The following OSBPL2 variants were observed in gnomAD, a reference collection of about 807,000 sequenced individuals.
OSBPL2 encodes oxysterol binding protein like 2, also known as oxysterol-binding protein-related protein 2.
Under a neutral mutation model 58.4 loss-of-function variants are expected in OSBPL2, and 18 were observed. The observed-to-expected ratio is 0.31, with a 90% CI of 0.21 to 0.46. OSBPL2 has a LOEUF of 0.46. OSBPL2 is among the 20% of genes least tolerant of loss of function. The pLI, the probability that OSBPL2 is intolerant of heterozygous loss-of-function variation, is 1.00. For synonymous variants in OSBPL2, 221 were observed against 234.1 expected (o/e 0.94, Z 0.51); for missense variants, 461 against 616.5 (o/e 0.75, Z 2.67).
intron 2 of OSBPL2, among the ~76,000 whole-genome samples, chr20:62,256,519 G>A (rs1040866138): frequency 2.0e-5 from 3 of 152,130 alleles, no homozygotes; most frequent in Non-Finnish European, 2.9e-5. Context: ...TGATGAGAAC[G>A]TTCTAGATAT....
At chr20:62,248,552 G>T (rs1345195111) in intron 1 of OSBPL2, among the ~76,000 whole-genome samples, 1 of 152,184 alleles carries the variant, frequency 6.6e-6, no homozygotes, top group Admixed American at 6.5e-5. Flanking sequence ...TGTCCGGGGT[G>T]CCCTGCCTGT....
intron 3 of OSBPL2, 121 bp downstream of exon 3, chr20:62,260,246 G>T: frequency 2.2e-6 from 2 of 920,730 alleles, no homozygotes; most frequent in Non-Finnish European, 3.3e-6. Context: ...CAGCTGTCTG[G>T]CCTCCCCATC....
rs142749442 is a variant in OSBPL2 at position 62,295,475 on chromosome 20, A to G, written c.*1588A>G. 3 of 152,272 alleles carry G rather than the reference A, an allele frequency of 2.0e-5. No individual in the cohort carries two copies. Among genetic ancestry groups the G allele is most frequent in the Non-Finnish European group, 4.4e-5 (3 of 68,026 alleles). The allele number at this position is 152,272 out of a possible 1,614,324, so 9.4% of individuals were successfully genotyped here. A position where few individuals can be genotyped will look rare whatever the true frequency, so the allele number is the denominator to read the frequency against. ...GTGACGGAAGCACTTCTGGAAGTGA[A>G]CACTCGTTTTGAAAGCTTGATTTTG... is the stretch of plus-strand genomic sequence containing the variant. On this transcript the variant is annotated 3_prime_UTR_variant, in exon 14 of 14. Coordinates refer to ENST00000313733, the MANE Select transcript of OSBPL2 (RefSeq NM_144498.4). The surrounding 1 kb of genome is among the most constrained non-coding windows in gnomAD (Gnocchi z 4.8).
chr20:62,286,435 G>C (rs1983123828), intron 10 of OSBPL2, 148 bp from the exon 11 acceptor site: 1 of 838,274 alleles, frequency 1.2e-6, no homozygotes, highest in Admixed American at 2.4e-5. Context: ...GGGCAACAGA[G>C]CGAGACTCCG....
intron 6 of OSBPL2, among the ~76,000 whole-genome samples, chr20:62,275,699 C>T (rs1295055774): frequency 6.6e-6 from 1 of 152,160 alleles, no homozygotes; most frequent in African/African-American, 2.4e-5. Context: ...CTGCCTCCCT[C>T]AGCCTCCCAA....
intron 6 of OSBPL2, among the ~76,000 whole-genome samples, chr20:62,277,859 C>T (rs1339786919): frequency 2.6e-5 from 4 of 152,168 alleles, no homozygotes. Flanking sequence ...AGAGAGTACA[C>T]TAAAAATCCT....
chr20:62,251,671 G>A (rs1980553856), intron 1 of OSBPL2, among the ~76,000 whole-genome samples: 1 of 151,714 alleles, frequency 6.6e-6, no homozygotes, highest in Admixed American at 6.6e-5. Context: ...GCCTCCCAAA[G>A]TGCTGGGATT....
In OSBPL2 at chr20:62,269,981, C is replaced by T. The variant is rs1981947591; in HGVS notation, c.259-2144C>T. ...TGAGCCGCAGGCTCTGTGCGTCTGCCCTGTGCTCTCAGCCTCGGTCCCTGC... is the reference window on the plus strand; with the variant it reads ...TGAGCCGCAGGCTCTGTGCGTCTGCTCTGTGCTCTCAGCCTCGGTCCCTGC... On this transcript the variant is annotated intron_variant, in intron 4 of 13. Transcript: ENST00000313733. The surrounding 1 kb of genome is among the most constrained non-coding windows in gnomAD (Gnocchi z 4.2). 6.6e-6 allele frequency among the ~76,000 whole-genome samples: 1 copy of T among 152,224 alleles called. No homozygotes were observed. The highest frequency in any genetic ancestry group is 6.5e-5 in the Admixed American group (1 of 15,288).
At position 62,286,595 on chromosome 20, in the gene OSBPL2, G is replaced by A. The variant is rs548362813; in HGVS notation, c.1009G>A (p.Gly337Arg). The A allele has an allele frequency of 1.5e-5, 24 of 1,613,350 alleles. No individual in the cohort carries two copies. Among genetic ancestry groups the A allele is most frequent in the East Asian group, 6.7e-5 (3 of 44,866 alleles). The change falls in exon 11 of 14, where the codon GGG (glycine) becomes AGG (arginine). Residue 337 changes from glycine (G) to arginine (R), a missense_variant. Coordinates refer to ENST00000313733, the MANE Select transcript of OSBPL2 (RefSeq NM_144498.4). ...LRKAKLDEDSGKADSDVADDV... is the reference protein window; with the variant it reads ...LRKAKLDEDSRKADSDVADDV... ...TTCTGTGTTTCAGGATGAAGACTCCGGGAAGGCTGACAGCGACGTGGCTGA... is the reference window on the plus strand; with the variant it reads ...TTCTGTGTTTCAGGATGAAGACTCCAGGAAGGCTGACAGCGACGTGGCTGA...
At chr20:62,272,326 C>G (rs1368660368) in intron 5 of OSBPL2, 67 bp downstream of exon 5, 2 of 1,569,270 alleles carry the variant, frequency 1.3e-6, no homozygotes, top group African/African-American at 2.7e-5. Flanking sequence ...TCTGGCCACA[C>G]AGTCTTGGGG....
chr20:62,245,384 C>T (rs1042604288), intron 1 of OSBPL2, among the ~76,000 whole-genome samples: 3 of 152,200 alleles, frequency 2.0e-5, no homozygotes, highest in African/African-American at 7.2e-5. Context: ...TGAGCCACCG[C>T]GCCCGGCCTG....
chr20:62,273,801 T>C (rs1467371675), intron 6 of OSBPL2, among the ~76,000 whole-genome samples: 1 of 152,160 alleles, frequency 6.6e-6, no homozygotes, highest in Non-Finnish European at 1.5e-5. Flanking sequence ...TAGTGAACGC[T>C]ATTGAAAAAG....
chr20:62,277,921 C>A (rs757800452), intron 6 of OSBPL2, among the ~76,000 whole-genome samples: 2 of 152,128 alleles, frequency 1.3e-5, no homozygotes, highest in Non-Finnish European at 2.9e-5. Flanking sequence ...TCGGAAATTT[C>A]AGGGGCCTTG....
intron 6 of OSBPL2, among the ~76,000 whole-genome samples, chr20:62,275,775 T>TTTTC (rs1306620497): frequency 1.3e-5 from 2 of 152,170 alleles, no homozygotes; most frequent in South Asian, 2.1e-4. Context: ...TGCAGCATTT[T>TTTTC]TTTCTTTCTT....
rs1982967167 is a variant in OSBPL2 at position 62,284,151 on chromosome 20, C to T, written c.978C>T (p.His326=). 1.2e-6 allele frequency: 2 copies of T among 1,614,144 alleles called. No individual in the cohort carries two copies. Among genetic ancestry groups the T allele is most frequent in the African/African-American group, 1.3e-5 (1 of 75,022 alleles). Residue 326 remains histidine (H), a synonymous_variant, in exon 10 of 14, where the codon CAC becomes CAT. Transcript: ENST00000313733. ...SFKKQERRGD[H]LRKAKLDEDS... is the part of the protein sequence containing the mutation. ...AGAAGCAGGAGAGGAGAGGTGACCA[C>T]CTGAGAAAGGCCAAGCTGGTAAGGG...
intron 1 of OSBPL2, among the ~76,000 whole-genome samples, chr20:62,251,112 C>T (rs193110488): frequency 1.6e-3 from 219 of 140,194 alleles, no homozygotes; most frequent in African/African-American, 5.3e-3. Context: ...GGTGCGATCT[C>T]GGCTCACCGC....
intron 9 of OSBPL2, among the ~76,000 whole-genome samples, chr20:62,283,389 G>A (rs1005979973): frequency 9.2e-5 from 14 of 152,050 alleles, no homozygotes; most frequent in Admixed American, 5.2e-4. Flanking sequence ...TGCACTTCCC[G>A]GGAGTCTGTG....
chr20:62,244,903 G>A (rs952990296), intron 1 of OSBPL2, among the ~76,000 whole-genome samples: 4 of 152,234 alleles, frequency 2.6e-5, no homozygotes, highest in African/African-American at 9.6e-5. Context: ...GGGTGCTGCT[G>A]TCTGCACAGT....
chr20:62,262,071 A>G (rs1981348589), intron 3 of OSBPL2, among the ~76,000 whole-genome samples: 1 of 129,902 alleles, frequency 7.7e-6, no homozygotes, highest in South Asian at 2.6e-4. Flanking sequence ...ACTTTTCAAA[A>G]GACAGATCTG....
Sources: gnomAD v4.1 joint callset for allele counts (sites outside exome capture counted in the v4.1 genomes callset) on GRCh38, gnomAD v4.1.1 for gene constraint, Gnocchi (gnomAD v3.1) non-coding constraint, MANE v1.5 for transcripts, NCBI Gene and HGNC (gene_info 2026-07-23, HGNC 2026-07-21) for gene names.